PHF14: variants seen among roughly 807,000 people sequenced by gnomAD.
The protein encoded by PHF14 is PHD finger protein 14.
PHF14 carries 55 observed loss-of-function variants against 117.9 expected under a neutral mutation model. The ratio of observed to expected loss-of-function variants is 0.47; its 90% CI spans 0.38 to 0.58. PHF14 has a LOEUF of 0.58. PHF14 is among the 20% of genes least tolerant of loss of function. The pLI is 0.00. For synonymous variants in PHF14, 409 were observed against 368.6 expected, an observed-to-expected ratio of 1.11 and a Z score of -1.26; for missense variants, 978 against 1,122.2, an observed-to-expected ratio of 0.87 and a Z score of 1.84.
chr7:10,982,139 G>GT (rs1782063892), intron 2 of PHF14, among the ~76,000 whole-genome samples: 1 of 152,100 alleles, frequency 6.6e-6, no homozygotes, highest in Non-Finnish European at 1.5e-5. Flanking sequence ...TTAATTTAGG[G>GT]TTATCTATAT....
Position 10,973,956 on chromosome 7 carries a change from TC to T in PHF14, c.-367del. The T allele has an allele frequency of 4.8e-6, 1 of 207,434 alleles. No homozygotes were observed. The highest frequency in any genetic ancestry group is 9.9e-6 in the Non-Finnish European group (1 of 101,012). 12.8% of individuals were successfully genotyped at this position (207,434 alleles called of 1,614,324 possible). A position where few individuals can be genotyped will look rare whatever the true frequency, so the allele number is the denominator to read the frequency against. On this transcript the variant is annotated 5_prime_UTR_variant, in exon 1 of 18. Transcript: ENST00000634607. ...CTCGCGCTGTGCAATTTCTGGTCTTTCGTTGCTTCTGGTCCAGGCTAATAAA... is the reference window on the plus strand; with the variant it reads ...CTCGCGCTGTGCAATTTCTGGTCTTTGTTGCTTCTGGTCCAGGCTAATAAA...
intron 6 of PHF14, among the ~76,000 whole-genome samples, chr7:11,027,229 T>C (rs1246174801): frequency 1.3e-5 from 2 of 152,174 alleles, no homozygotes; most frequent in Non-Finnish European, 2.9e-5. Flanking sequence ...TCTCTTTATC[T>C]CTCTTGCTCA....
chr7:11,057,292 C>A (rs955741375), intron 14 of PHF14, among the ~76,000 whole-genome samples: 1 of 152,106 alleles, frequency 6.6e-6, no homozygotes, highest in African/African-American at 2.4e-5. Flanking sequence ...AAATACATTA[C>A]ATGTTTTTTA....
At chr7:11,026,235 G>A (rs1783907617) in intron 6 of PHF14, among the ~76,000 whole-genome samples, 1 of 152,102 alleles carries the variant, frequency 6.6e-6, no homozygotes, top group Non-Finnish European at 1.5e-5. Flanking sequence ...AAAAGATTAT[G>A]ACTTGCTGAA....
At chr7:11,028,237 A>T (rs549898849) in intron 6 of PHF14, among the ~76,000 whole-genome samples, 1 of 152,274 alleles carries the variant, frequency 6.6e-6, no homozygotes, top group Admixed American at 6.5e-5. Context: ...CATGTAATTT[A>T]TTGAATACCC....
At chr7:11,106,527 A>C in intron 16 of PHF14, 1 of 975,756 alleles carries the variant, frequency 1.0e-6, no homozygotes, top group Non-Finnish European at 1.2e-6. Context: ...TATTGGTAGA[A>C]TGCAGAATTT....
At chr7:11,014,274 C>T (rs1783449581) in intron 5 of PHF14, among the ~76,000 whole-genome samples, 1 of 152,082 alleles carries the variant, frequency 6.6e-6, no homozygotes, top group Non-Finnish European at 1.5e-5. Context: ...ATCTGTATAA[C>T]TTTATATCAG....
chr7:11,090,555 G>A (rs1220711949), intron 16 of PHF14, among the ~76,000 whole-genome samples: 1 of 151,892 alleles, frequency 6.6e-6, no homozygotes, highest in African/African-American at 2.4e-5. Context: ...TTTTTTAAAA[G>A]AAAGTTGAGT....
intron 16 of PHF14, among the ~76,000 whole-genome samples, chr7:11,095,216 T>G (rs1250677205): frequency 6.6e-6 from 1 of 152,210 alleles, no homozygotes; most frequent in Non-Finnish European, 1.5e-5. Flanking sequence ...TTTATACACT[T>G]ATTTAATCCT....
At chr7:11,121,186 C>T (rs548574407) in intron 17 of PHF14, among the ~76,000 whole-genome samples, 1 of 152,098 alleles carries the variant, frequency 6.6e-6, no homozygotes, top group African/African-American at 2.4e-5. Context: ...TTATTATATA[C>T]ATGTGGGATC....
At chr7:11,105,295 A>T in intron 16 of PHF14, 2 of 948,474 alleles carry the variant, frequency 2.1e-6, no homozygotes, top group Non-Finnish European at 2.5e-6. Flanking sequence ...TATGATGTTA[A>T]AAATAGACTG....
chr7:11,060,088 G>C (rs944016175), intron 14 of PHF14, among the ~76,000 whole-genome samples: 22 of 152,142 alleles, frequency 1.4e-4, no homozygotes, highest in African/African-American at 5.3e-4. Context: ...TGTTGCCCAG[G>C]CTGGTCTTGA....
At chr7:11,082,342 T>A (rs1204837250) in intron 16 of PHF14, among the ~76,000 whole-genome samples, 2 of 152,160 alleles carry the variant, frequency 1.3e-5, no homozygotes, top group African/African-American at 4.8e-5. Flanking sequence ...AGCAAGACCC[T>A]GTCTCAAAAA....
chr7:11,039,321 G>A (rs1005802426), intron 11 of PHF14, among the ~76,000 whole-genome samples: 47 of 151,636 alleles, frequency 3.1e-4, no homozygotes, highest in African/African-American at 1.0e-3. Flanking sequence ...TTGGTTTTCA[G>A]CTGTATAAGA....
At chr7:11,145,446 G>GA (rs1562485172) in intron 17 of PHF14, among the ~76,000 whole-genome samples, 1 of 152,046 alleles carries the variant, frequency 6.6e-6, no homozygotes, top group African/African-American at 2.4e-5. Flanking sequence ...TATATAGACT[G>GA]AAAATGAGCA....
At chr7:10,999,053 T>C (rs1332983151) in intron 4 of PHF14, among the ~76,000 whole-genome samples, 3 of 152,140 alleles carry the variant, frequency 2.0e-5, no homozygotes, top group Non-Finnish European at 2.9e-5. Context: ...TTTTTTGCTG[T>C]TGTTGTTGTT....
At chr7:11,152,130 A>T (rs1279928952) in intron 17 of PHF14, among the ~76,000 whole-genome samples, 1 of 151,496 alleles carries the variant, frequency 6.6e-6, no homozygotes, top group African/African-American at 2.4e-5. Flanking sequence ...AGATAGACTT[A>T]GGACCTTTTA....
intron 4 of PHF14, among the ~76,000 whole-genome samples, chr7:10,998,785 A>C (rs1397790696): frequency 6.6e-6 from 1 of 152,134 alleles, no homozygotes; most frequent in Admixed American, 6.5e-5. Context: ...GAGTTCTGTC[A>C]GTTTTGGTGA....
At chr7:11,104,907 C>A (rs1320394915) in intron 16 of PHF14, 2 of 977,888 alleles carry the variant, frequency 2.0e-6, no homozygotes, top group East Asian at 2.3e-4. Context: ...TTGTGCTTAA[C>A]ATTGATTGAT....
Sources: allele counts gnomAD v4.1 joint callset (sites outside exome capture counted in the v4.1 genomes callset), GRCh38; gene constraint gnomAD v4.1.1; transcripts MANE v1.5; gene names NCBI Gene and HGNC (gene_info 2026-07-23, HGNC 2026-07-21).